The following STK32C variants were observed in gnomAD, a reference collection of about 807,000 sequenced individuals.
STK32C encodes the protein serine/threonine-protein kinase 32C.
STK32C carries 31 observed loss-of-function variants against 56.5 expected under a neutral mutation model. The observed-to-expected ratio is 0.55, with a 90% CI of 0.41 to 0.74. STK32C has a LOEUF of 0.74. STK32C is among the 30% of genes least tolerant of loss of function. STK32C has a pLI of 0.00. For missense variants in STK32C, 544 were observed against 676.9 expected, an observed-to-expected ratio of 0.80 and a Z score of 2.18; for synonymous variants, 309 against 289.4, an observed-to-expected ratio of 1.07 and a Z score of -0.69.
At position 132,207,805 on chromosome 10, in the gene STK32C, T is replaced by TTC; in HGVS notation, c.*204_*205insGA. ...GCGGGTCTCGGGGGCCCACGGGAAA[T>TTC]GCCCTCCACAGGTGTCCCCTGCACC... On this transcript the variant is annotated 3_prime_UTR_variant, in exon 12 of 12. Transcript: ENST00000298630. 1 of 589,970 alleles carries TTC rather than the reference T, an allele frequency of 1.7e-6. No homozygotes were observed. The highest frequency in any genetic ancestry group is 2.5e-6 in the Non-Finnish European group (1 of 403,252). The allele number at this position is 589,970 out of a possible 1,614,324, so 36.5% of individuals were successfully genotyped here.
chr10:132,222,125 T>C (rs1340026114), intron 10 of STK32C, among the ~76,000 whole-genome samples: 86 of 63,494 alleles, frequency 1.4e-3, no homozygotes, highest in South Asian at 2.2e-3. Flanking sequence ...CACCTGATGC[T>C]GACGCACCTG....
At position 132,227,854 on chromosome 10, in the gene STK32C, T is replaced by C. The variant is rs566167674; in HGVS notation, c.470+123A>G. 2.4e-6 allele frequency: 3 copies of C among 1,249,162 alleles called. No homozygotes were observed. In the East Asian group the frequency reaches 7.6e-5, roughly 32 times the overall value. 77.4% of individuals were successfully genotyped at this position (1,249,162 alleles called of 1,614,324 possible). A position where few individuals can be genotyped will look rare whatever the true frequency, so the allele number is the denominator to read the frequency against. ...GATGAGGAGGGCTAGAGAGGGCCTG[T>C]GGGTGGCAGAGGCATCTCCGAGGCA... On this transcript the variant is annotated intron_variant, in intron 3 of 11. Coordinates refer to ENST00000298630, the MANE Select transcript of STK32C (RefSeq NM_173575.4).
At chr10:132,245,758 T>C in intron 2 of STK32C, 142 bp downstream of exon 2, 1 of 811,048 alleles carries the variant, frequency 1.2e-6, no homozygotes, top group South Asian at 1.7e-5. Context: ...ACGTCCTCCC[T>C]AAAAGACCTG....
chr10:132,233,157 C>T (rs764951549), intron 2 of STK32C, among the ~76,000 whole-genome samples: 38 of 152,258 alleles, frequency 2.5e-4, no homozygotes, highest in African/African-American at 8.7e-4. Flanking sequence ...ACCACAAAAA[C>T]GGGAGGGTCA....
intron 1 of STK32C, among the ~76,000 whole-genome samples, chr10:132,302,071 A>T (rs1294699330): frequency 6.6e-6 from 1 of 152,122 alleles, no homozygotes; most frequent in Non-Finnish European, 1.5e-5. Flanking sequence ...GTCCTGGGTG[A>T]CTGGGGGTCC....
In STK32C at chr10:132,238,336, T is replaced by C. The variant is rs77591738; in HGVS notation, c.318+7564A>G. Among the ~76,000 whole-genome samples, 1,477 of 152,188 alleles carry C rather than the reference T, an allele frequency of 9.7e-3. 30 individuals carry two copies. The highest frequency in any genetic ancestry group is 0.033 in the African/African-American group (1,386 of 41,514). On this transcript the variant is annotated intron_variant, in intron 2 of 11. Transcript: ENST00000298630. ...GGTGAGATCAGGAGATGCCTGCCATTGATGAGACCGTTCGTTATAGTTACC... is the reference window on the plus strand; with the variant it reads ...GGTGAGATCAGGAGATGCCTGCCATCGATGAGACCGTTCGTTATAGTTACC...
intron 11 of STK32C, 38 bp downstream of exon 11, chr10:132,208,994 CCT>C (rs772664073): frequency 1.9e-5 from 30 of 1,597,218 alleles, no homozygotes; most frequent in Non-Finnish European, 2.5e-5. Context: ...CCATTTTCCT[CCT>C]CTCTGCCACC....
chr10:132,222,701 C>T lies in STK32C; in HGVS notation c.1191G>A (p.Lys397=). 1 of 1,612,836 alleles carries T rather than the reference C, an allele frequency of 6.2e-7. No individual in the cohort carries two copies. Among genetic ancestry groups the T allele is most frequent in the Non-Finnish European group, 8.5e-7 (1 of 1,179,702 alleles). ...EMILESRPLH[K]KKKRLAKNKS... is the part of the protein sequence containing the mutation. ...TGTTCTTGGCCAGACGCTTCTTCTTCTTGTGCAGGGGCCTGGACTCCAGGA... is the reference window on the plus strand; with the variant it reads ...TGTTCTTGGCCAGACGCTTCTTCTTTTTGTGCAGGGGCCTGGACTCCAGGA... Residue 397 remains lysine (K), a synonymous_variant, in exon 10 of 12, where the codon AAG becomes AAA. Transcript: ENST00000298630.
intron 1 of STK32C, among the ~76,000 whole-genome samples, chr10:132,279,408 C>T (rs2065085647): frequency 6.6e-6 from 1 of 152,058 alleles, no homozygotes; most frequent in African/African-American, 2.4e-5. Context: ...CTGCACACAA[C>T]ACTCCTCTTC....
At chr10:132,246,457 T>TG (rs1268530070) in intron 1 of STK32C, among the ~76,000 whole-genome samples, 5 of 152,174 alleles carry the variant, frequency 3.3e-5, no homozygotes, top group Admixed American at 3.3e-4. Flanking sequence ...TGGGCAAGCC[T>TG]GGGGGAGTCT....
rs1018611369 is a variant in STK32C, at chr10:132,207,947, C to T, written c.*63G>A. On this transcript the variant is annotated 3_prime_UTR_variant, in exon 12 of 12. Transcript: ENST00000298630. ...GTGAATGCCAGGCCTCGGCCCATGG[C>T]CCTCCCTCTGGCAGCCGAGTCTCCA... is the stretch of plus-strand genomic sequence containing the variant. 2 of 1,263,258 alleles carry T rather than the reference C, an allele frequency of 1.6e-6. No homozygotes were observed. The allele number at this position is 1,263,258 out of a possible 1,614,324, so 78.3% of individuals were successfully genotyped here. A position where few individuals can be genotyped will look rare whatever the true frequency, so the allele number is the denominator to read the frequency against.
intron 1 of STK32C, among the ~76,000 whole-genome samples, chr10:132,326,039 C>T (rs555533478): frequency 4.3e-4 from 65 of 151,906 alleles, no homozygotes; most frequent in South Asian, 2.1e-4. Flanking sequence ...TTATCAGCAG[C>T]GTGAAAATGG....
Position 132,224,271 on chromosome 10 carries a change from A to T in STK32C, c.993+136T>A, listed in dbSNP as rs2062793685. On this transcript the variant is annotated intron_variant, in intron 8 of 11. Transcript: ENST00000298630. Reference sequence around the variant, plus strand: ...GGCTGCCATCTGCGGAGGCCCCCACAGGTTGCAGTGAAGGGATCTGTGCCT... The same window carrying T: ...GGCTGCCATCTGCGGAGGCCCCCACTGGTTGCAGTGAAGGGATCTGTGCCT... 4.4e-6 allele frequency: 3 copies of T among 680,000 alleles called. No homozygotes were observed. In the East Asian group the frequency reaches 8.2e-5, roughly 19 times the overall value. The allele number at this position is 680,000 out of a possible 1,614,324, so 42.1% of individuals were successfully genotyped here.
intron 1 of STK32C, among the ~76,000 whole-genome samples, chr10:132,290,983 C>T (rs929942136): frequency 5.3e-5 from 8 of 152,230 alleles, no homozygotes; most frequent in East Asian, 1.9e-4. Context: ...CACCGGCTTC[C>T]GCTGCCTTGG....
intron 2 of STK32C, among the ~76,000 whole-genome samples, chr10:132,237,173 CCT>C (rs1236114857): frequency 1.3e-5 from 2 of 152,132 alleles, no homozygotes; most frequent in Non-Finnish European, 2.9e-5. Context: ...GCTCCCACTC[CCT>C]GACTGTGCTC....
At chr10:132,318,465 A>C (rs539786545) in intron 1 of STK32C, among the ~76,000 whole-genome samples, 1 of 151,584 alleles carries the variant, frequency 6.6e-6, no homozygotes, top group East Asian at 2.0e-4. Context: ...AAATACAAAA[A>C]TTAGCCAGGC....
At chr10:132,258,521 C>T (rs955682958) in intron 1 of STK32C, among the ~76,000 whole-genome samples, 1 of 152,222 alleles carries the variant, frequency 6.6e-6, no homozygotes, top group African/African-American at 2.4e-5. Context: ...TAGGCCAGCG[C>T]GTTCTCCTGG....
chr10:132,311,132 G>A (rs539250524), upstream of STK32C, among the ~76,000 whole-genome samples: 71 of 152,270 alleles, frequency 4.7e-4, no homozygotes, highest in South Asian at 4.2e-4. This position sits in a 1 kb window ranked among gnomAD's most constrained non-coding sequence, Gnocchi z 4.4. Flanking sequence ...TGGGTCCTCC[G>A]TTGCCACATA....
At chr10:132,311,661 G>T (rs534004736), upstream of STK32C, among the ~76,000 whole-genome samples, 2 of 152,288 alleles carry the variant, frequency 1.3e-5, no homozygotes, top group African/African-American at 4.8e-5. This position sits in a 1 kb window ranked among gnomAD's most constrained non-coding sequence, Gnocchi z 4.4. Context: ...TGAGTTCACC[G>T]CTCAGCTCTG....
Sources: allele counts gnomAD v4.1 joint callset (sites outside exome capture counted in the v4.1 genomes callset), GRCh38; gene constraint gnomAD v4.1.1; non-coding constraint Gnocchi (gnomAD v3.1); transcripts MANE v1.5; gene names NCBI Gene and HGNC (gene_info 2026-07-23, HGNC 2026-07-21).